The following RBM24 variants were observed in gnomAD, a reference collection of about 807,000 sequenced individuals.
RBM24 encodes RNA-binding protein 24.
In RBM24, 5 loss-of-function variants were observed where a neutral mutation model predicts 23.6. The observed-to-expected ratio is 0.21, with a 90% CI of 0.11 to 0.45. The LOEUF is 0.45. Among genes scored for constraint, RBM24 ranks in the 20% least tolerant of loss-of-function variants. The pLI is 0.99. For missense variants in RBM24, 252 were observed against 314.6 expected (o/e 0.80, Z 1.51); for synonymous variants, 151 against 129.5 (o/e 1.17, Z -1.13).
chr6:17,289,737 C>T, intron 3 of RBM24: 1 of 1,056,150 alleles, frequency 9.5e-7, no homozygotes, highest in Non-Finnish European at 1.1e-6. Context: ...CTTATAAAGA[C>T]ATTTTACCCG....
At chr6:17,283,008 C>A in intron 2 of RBM24, 80 bp downstream of exon 2, 1 of 992,920 alleles carries the variant, frequency 1.0e-6, no homozygotes, top group Non-Finnish European at 1.6e-6. Flanking sequence ...ATTTAGAAGA[C>A]ATTGTCTCTT....
chr6:17,290,786 C>T, intron 3 of RBM24: 2 of 1,064,512 alleles, frequency 1.9e-6, no homozygotes, highest in Non-Finnish European at 2.6e-6. Context: ...TTGTACTTCC[C>T]TGTCCTGCCT....
intron 2 of RBM24, among the ~76,000 whole-genome samples, chr6:17,283,663 C>T (rs1480611151): frequency 3.3e-5 from 5 of 152,112 alleles, no homozygotes; most frequent in African/African-American, 7.2e-5. Context: ...GTGATCCACC[C>T]GCCTTGGCCT....
At chr6:17,285,830 G>A (rs1342025800) in intron 3 of RBM24, among the ~76,000 whole-genome samples, 2 of 151,900 alleles carry the variant, frequency 1.3e-5, no homozygotes, top group Non-Finnish European at 2.9e-5. Context: ...ATCACCCCTC[G>A]CCTCAATTTA....
chr6:17,286,456 A>G (rs993955375), intron 3 of RBM24, among the ~76,000 whole-genome samples: 2 of 152,198 alleles, frequency 1.3e-5, no homozygotes, highest in East Asian at 3.8e-4. Context: ...AACAGTTATA[A>G]AATTGAATCA....
intron 3 of RBM24, among the ~76,000 whole-genome samples, chr6:17,291,372 A>G (rs997314849): frequency 6.6e-6 from 1 of 152,192 alleles, no homozygotes. Context: ...ACTTAATTAA[A>G]CATTCTTATT....
chr6:17,286,809 T>C (rs555539785), intron 3 of RBM24, among the ~76,000 whole-genome samples: 15 of 152,210 alleles, frequency 9.9e-5, no homozygotes, highest in African/African-American at 3.4e-4. Context: ...GAAGACTCAG[T>C]GCGTGGAGAA....
intron 2 of RBM24, among the ~76,000 whole-genome samples, chr6:17,283,909 T>A (rs763978821): frequency 3.9e-5 from 6 of 152,212 alleles, no homozygotes; most frequent in Non-Finnish European, 8.8e-5. Flanking sequence ...ACAATACCTC[T>A]TGGATTATTT....
chr6:17,282,002 G>T, intron 1 of RBM24: 1 of 1,346,656 alleles, frequency 7.4e-7, no homozygotes, highest in Non-Finnish European at 9.6e-7. Flanking sequence ...TGAAAGGAGA[G>T]ACCTGTAATG....
chr6:17,291,878 A>G lies in RBM24; in HGVS notation c.470A>G (p.Tyr157Cys). 6.2e-7 allele frequency: 1 copy of G among 1,614,012 alleles called. No individual in the cohort carries two copies. The highest frequency in any genetic ancestry group is 8.5e-7 in the Non-Finnish European group (1 of 1,180,004). The change falls in exon 4 of 4, where the codon TAC becomes TGC. Residue 157 changes from tyrosine to cysteine, a missense_variant. Transcript: ENST00000379052. The stretch of plus-strand genomic sequence containing the variant: ...TACATTGATTACACTGGAGCTGCAT[A>G]CGCACAATACTCAGCAGCTGCTGCT... ...TPYIDYTGAA[Y>C]AQYSAAAAAA...
chr6:17,281,989 G>A lies in RBM24; in HGVS notation c.168+240G>A. 1.5e-6 allele frequency: 2 copies of A among 1,365,788 alleles called. No homozygotes were observed. Among genetic ancestry groups the A allele is most frequent in the East Asian group, 5.8e-5 (2 of 34,624 alleles). 84.6% of individuals were successfully genotyped at this position (1,365,788 alleles called of 1,614,324 possible). A position where few individuals can be genotyped will look rare whatever the true frequency, so the allele number is the denominator to read the frequency against. On this transcript the variant is annotated intron_variant, in intron 1 of 3. Transcript: ENST00000379052. This position sits in a 1 kb window ranked among gnomAD's most constrained non-coding sequence, Gnocchi z 7.1. ...TCGGGGGCCGGGCAGGGCAGAGCAG[G>A]GGTGAAAGGAGAGACCTGTAATGAC...
At position 17,281,774 on chromosome 6, in the gene RBM24, C is replaced by T. The variant is rs1249734404; in HGVS notation, c.168+25C>T. Reference sequence around the variant, plus strand: ...TGTAAGTTGCACGGACTGGGGGTGACGGGGAGGGACGGAGTGGCGGCTGAC... The same window carrying T: ...TGTAAGTTGCACGGACTGGGGGTGATGGGGAGGGACGGAGTGGCGGCTGAC... On this transcript the variant is annotated intron_variant, in intron 1 of 3. Transcript: ENST00000379052. The surrounding 1 kb of genome is among the most constrained non-coding windows in gnomAD (Gnocchi z 7.1). 1 of 1,544,706 alleles carries T rather than the reference C, an allele frequency of 6.5e-7. No homozygotes were observed. The highest frequency in any genetic ancestry group is 2.0e-5 in the Admixed American group (1 of 50,712).
intron 3 of RBM24, among the ~76,000 whole-genome samples, chr6:17,286,735 A>G (rs1313569941): frequency 1.3e-5 from 2 of 152,162 alleles, no homozygotes; most frequent in Non-Finnish European, 1.5e-5. Context: ...TAGGCAGGTA[A>G]AAGGAAGACT....
At chr6:17,282,443 A>G in intron 1 of RBM24, 1 of 485,348 alleles carries the variant, frequency 2.1e-6, no homozygotes, top group South Asian at 1.6e-5. Context: ...TCTGAGGCTG[A>G]GTAGGGACCT....
chr6:17,292,111 A>G lies in RBM24; in HGVS notation c.703A>G (p.Met235Val). 6.5e-7 allele frequency: 1 copy of G among 1,529,474 alleles called. No homozygotes were observed. The highest frequency in any genetic ancestry group is 8.8e-7 in the Non-Finnish European group (1 of 1,142,770). The allele number at this position is 1,529,474 out of a possible 1,614,324, so 94.7% of individuals were successfully genotyped here. ...GCCTCAGCAGCTGCAGACAGACCGAATGCAATAGACCAGCCATCTGATCAA... is the reference window on the plus strand; with the variant it reads ...GCCTCAGCAGCTGCAGACAGACCGAGTGCAATAGACCAGCCATCTGATCAA... ...YQPQQLQTDR[M>V]Q Residue 235 changes from methionine to valine, a missense_variant, in exon 4 of 4, where the codon ATG (methionine) becomes GTG (valine). Transcript: ENST00000379052.
Position 17,281,710 on chromosome 6 carries a change from C to T in RBM24, c.129C>T (p.Ile43=), listed in dbSNP as rs775790717. 3 of 1,552,000 alleles carry T rather than the reference C, an allele frequency of 1.9e-6. No homozygotes were observed. The highest frequency in any genetic ancestry group is 2.6e-6 in the Non-Finnish European group (3 of 1,147,384). Residue 43 remains isoleucine (I), a synonymous_variant, in exon 1 of 4, where the codon ATC becomes ATT. Coordinates refer to ENST00000379052, the MANE Select transcript of RBM24 (RefSeq NM_001143942.2). This position sits in a 1 kb window ranked among gnomAD's most constrained non-coding sequence, Gnocchi z 7.1. ...GCGAGATCGAGGAGGCGGTGGTCATCACCGACCGGCAGACGGGCAAGTCCC... is the reference window on the plus strand; with the variant it reads ...GCGAGATCGAGGAGGCGGTGGTCATTACCGACCGGCAGACGGGCAAGTCCC... ...VFGEIEEAVV[I]TDRQTGKSRG... is the part of the protein sequence containing the mutation.
intron 3 of RBM24, among the ~76,000 whole-genome samples, chr6:17,287,691 T>TC (rs1457648292): frequency 2.0e-5 from 3 of 151,774 alleles, no homozygotes; most frequent in African/African-American, 4.8e-5. Flanking sequence ...GCGCCTGTAG[T>TC]CCAGCTACTC....
Position 17,292,145 on chromosome 6 carries a change from T to C in RBM24, c.*26T>C. The C allele has an allele frequency of 6.8e-7, 1 of 1,469,044 alleles. No homozygotes were observed. The highest frequency in any genetic ancestry group is 9.0e-7 in the Non-Finnish European group (1 of 1,112,284). 91.0% of individuals were successfully genotyped at this position (1,469,044 alleles called of 1,614,324 possible). ...ACCAGCCATCTGATCAAAGTTGAAT[T>C]GTTTTCTCTTTCCCTCCCAATTTTC... is the stretch of plus-strand genomic sequence containing the variant. On this transcript the variant is annotated 3_prime_UTR_variant, in exon 4 of 4. Coordinates refer to ENST00000379052, the MANE Select transcript of RBM24 (RefSeq NM_001143942.2).
At chr6:17,288,455 G>A (rs1760259880) in intron 3 of RBM24, 1 of 984,150 alleles carries the variant, frequency 1.0e-6, no homozygotes. Flanking sequence ...TCTCTCCACA[G>A]ATAATTTTAT....
Sources: allele counts gnomAD v4.1 joint callset (sites outside exome capture counted in the v4.1 genomes callset), GRCh38; gene constraint gnomAD v4.1.1; non-coding constraint Gnocchi (gnomAD v3.1); transcripts MANE v1.5; gene names NCBI Gene and HGNC (gene_info 2026-07-23, HGNC 2026-07-21).